The following ATR variants were observed in gnomAD, a reference collection of about 807,000 sequenced individuals.
The protein encoded by ATR is serine/threonine-protein kinase ATR.
ATR carries 142 observed loss-of-function variants against 305.3 expected under a neutral mutation model. The observed-to-expected ratio is 0.47, with a 90% CI of 0.41 to 0.53. ATR has a LOEUF of 0.53. Ranked by LOEUF, ATR falls within the 20% of genes least tolerant of loss-of-function variation. ATR has a pLI of 0.00. For missense variants in ATR, 2,135 were observed against 3,133.1 expected (o/e 0.68, Z 7.60); for synonymous variants, 1,050 against 1,068.1 (o/e 0.98, Z 0.33).
intron 24 of ATR, among the ~76,000 whole-genome samples, chr3:142,517,679 A>C (rs927719299): frequency 6.6e-6 from 1 of 152,236 alleles, no homozygotes; most frequent in African/African-American, 2.4e-5. Flanking sequence ...GCTAAAGACC[A>C]AAAGAATTTC....
intron 5 of ATR, 62 bp downstream of exon 5, chr3:142,561,181 T>A: frequency 6.4e-7 from 1 of 1,563,432 alleles, no homozygotes; most frequent in Non-Finnish European, 8.8e-7. Flanking sequence ...TAAAGCTGAT[T>A]TTTAAAAGTG....
At position 142,466,550 on chromosome 3, in the gene ATR, T is replaced by C; in HGVS notation, c.6688-17A>G. On this transcript the variant is annotated splice_polypyrimidine_tract_variant and intron_variant, in intron 39 of 46. Coordinates refer to ENST00000350721, the MANE Select transcript of ATR (RefSeq NM_001184.4). ...TCCATCAACCTGAAAAAATAAATAGTGCATTTTAATTTGTTTTTACCTTAA... is the reference window on the plus strand; with the variant it reads ...TCCATCAACCTGAAAAAATAAATAGCGCATTTTAATTTGTTTTTACCTTAA... 6.2e-7 allele frequency: 1 copy of C among 1,600,308 alleles called. No homozygotes were observed. Among genetic ancestry groups the C allele is most frequent in the Non-Finnish European group, 8.5e-7 (1 of 1,169,870 alleles).
At position 142,542,766 on chromosome 3, in the gene ATR, T is replaced by TAAAAA. The variant is rs756739908; in HGVS notation, c.3358-14_3358-10dup. On this transcript the variant is annotated splice_polypyrimidine_tract_variant and intron_variant, in intron 16 of 46. Coordinates refer to ENST00000350721, the MANE Select transcript of ATR (RefSeq NM_001184.4). ...GGTTGTAAATAATCAGCCTAAGAAA[T>TAAAAA]AAAAACAGATAATATGTAAGCTTTA... is the stretch of plus-strand genomic sequence containing the variant. 2 of 1,582,854 alleles carry TAAAAA rather than the reference T, an allele frequency of 1.3e-6. No homozygotes were observed. Among genetic ancestry groups the TAAAAA allele is most frequent in the South Asian group, 2.2e-5 (2 of 89,996 alleles).
At chr3:142,571,428 T>C (rs1381771524) in intron 1 of ATR, among the ~76,000 whole-genome samples, 1 of 151,804 alleles carries the variant, frequency 6.6e-6, no homozygotes, top group African/African-American at 2.4e-5. Flanking sequence ...ATCGCGCCAC[T>C]GTACTCCAGC....
At chr3:142,521,422 C>T (rs1037355871) in intron 23 of ATR, among the ~76,000 whole-genome samples, 1 of 152,188 alleles carries the variant, frequency 6.6e-6, no homozygotes, top group Admixed American at 6.5e-5. Flanking sequence ...GTAATTTTGA[C>T]TTTCAAGTTT....
chr3:142,503,888 A>G (rs7628677), intron 29 of ATR, among the ~76,000 whole-genome samples: 6,097 of 152,278 alleles, frequency 0.04, 404 homozygotes, highest in African/African-American at 0.14. Flanking sequence ...CAATATAAAA[A>G]GTATCTAATA....
rs760554197 is a variant in ATR at position 142,558,784 on chromosome 3, A to G, written c.1733-8T>C. On this transcript the variant is annotated splice_polypyrimidine_tract_variant and splice_region_variant and intron_variant, in intron 7 of 46. Coordinates refer to ENST00000350721, the MANE Select transcript of ATR (RefSeq NM_001184.4). ...CTTCAAATGAACTGTTTACTACAGA[A>G]GCACAAAATAAGTCATTAATTATAA... The G allele has an allele frequency of 6.2e-7, 1 of 1,601,324 alleles. No homozygotes were observed. The highest frequency in any genetic ancestry group is 8.5e-7 in the Non-Finnish European group (1 of 1,170,454).
intron 23 of ATR, among the ~76,000 whole-genome samples, chr3:142,521,886 T>C (rs1259872496): frequency 1.3e-5 from 2 of 152,210 alleles, no homozygotes; most frequent in Non-Finnish European, 2.9e-5. Context: ...TTTAGAACAT[T>C]ACATAAACTT....
At chr3:142,516,002 A>G (rs1390337761) in intron 24 of ATR, among the ~76,000 whole-genome samples, 2 of 152,210 alleles carry the variant, frequency 1.3e-5, no homozygotes, top group Non-Finnish European at 2.9e-5. Flanking sequence ...CTCAGGAATT[A>G]TCAGGGCTCC....
chr3:142,517,113 C>T (rs544032625), intron 24 of ATR, among the ~76,000 whole-genome samples: 2 of 151,188 alleles, frequency 1.3e-5, no homozygotes, highest in East Asian at 3.9e-4. Context: ...TATTTTGAAT[C>T]ATCACGCGTA....
rs745396833 is a variant in ATR, at chr3:142,498,752, A to T, written c.5403T>A (p.Ser1801Arg). The change falls in exon 32 of 47, where the codon AGT becomes AGA. Residue 1801 changes from serine to arginine, a missense_variant. Ser to Arg is a moderately radical substitution (Grantham distance 110). Coordinates refer to ENST00000350721, the MANE Select transcript of ATR (RefSeq NM_001184.4). ...LAADGKSTTW[S>R]VRLGQLLLSA... is the part of the protein sequence containing the mutation. ...ATAATAATAGCTGTCCCAGTCTGAC[A>T]CTCCATGTTGTAGATTTTCCATCTG... 1.2e-6 allele frequency: 2 copies of T among 1,614,044 alleles called. No individual in the cohort carries two copies. The highest frequency in any genetic ancestry group is 8.5e-7 in the Non-Finnish European group (1 of 1,180,012).
chr3:142,496,321 TATATATATATATA>T, intron 34 of ATR, 27 bp downstream of exon 34: 1 of 285,434 alleles, frequency 3.5e-6, no homozygotes, highest in Non-Finnish European at 6.3e-6. Context: ...TATATATATA[TATATATATATATA>T]TATGATGACA....
At chr3:142,563,232 T>A in intron 3 of ATR, 123 bp from the exon 4 acceptor site, 1 of 997,546 alleles carries the variant, frequency 1.0e-6, no homozygotes, top group Non-Finnish European at 1.5e-6. Flanking sequence ...TAAAACATTC[T>A]CTTCACAATG....
At chr3:142,451,910 TC>T in intron 46 of ATR, 1 of 1,296,678 alleles carries the variant, frequency 7.7e-7, no homozygotes, top group Non-Finnish European at 1.0e-6. Flanking sequence ...GATATTGGAA[TC>T]CCTCAGTAAA....
chr3:142,516,984 A>AT (rs2032892222), intron 24 of ATR, among the ~76,000 whole-genome samples: 10 of 139,126 alleles, frequency 7.2e-5, no homozygotes, highest in Admixed American at 4.3e-4. Context: ...ATACCCAAAT[A>AT]ATATATATAT....
intron 13 of ATR, 140 bp downstream of exon 13, chr3:142,553,087 C>T (rs1284089920): frequency 7.2e-6 from 8 of 1,112,048 alleles, no homozygotes; most frequent in Admixed American, 2.3e-5. Context: ...CTACATGCTG[C>T]AATATACCCC....
intron 21 of ATR, among the ~76,000 whole-genome samples, chr3:142,533,220 A>C (rs2033729610): frequency 6.6e-6 from 1 of 152,194 alleles, no homozygotes; most frequent in African/African-American, 2.4e-5. Context: ...GCTTGAGCCC[A>C]GGAGTTTCAG....
chr3:142,576,508 GA>G (rs2108509658), intron 1 of ATR, among the ~76,000 whole-genome samples: 1 of 152,286 alleles, frequency 6.6e-6, no homozygotes, highest in South Asian at 2.1e-4. Context: ...ATGACTTCTA[GA>G]TTTCCAGTTT....
At chr3:142,572,372 CTTTTTTTT>C (rs11318957) in intron 1 of ATR, among the ~76,000 whole-genome samples, 37 of 56,806 alleles carry the variant, frequency 6.5e-4, no homozygotes, top group East Asian at 1.8e-3. Context: ...CCCGGCCTGA[CTTTTTTTT>C]TTTTTTTTTT....
Sources: gnomAD v4.1 joint callset for allele counts (sites outside exome capture counted in the v4.1 genomes callset) on GRCh38, gnomAD v4.1.1 for gene constraint, MANE v1.5 for transcripts, NCBI Gene and HGNC (gene_info 2026-07-23, HGNC 2026-07-21) for gene names.